The following MAGI2 variants were observed in gnomAD, a reference collection of about 807,000 sequenced individuals.
MAGI2 encodes membrane-associated guanylate kinase, WW and PDZ domain-containing protein 2.
Under a neutral mutation model 133.3 loss-of-function variants are expected in MAGI2, and 35 were observed. That is an observed-to-expected ratio of 0.26 (90% CI 0.20 to 0.35). The LOEUF is 0.35. MAGI2 is among the 10% of genes least tolerant of loss of function. The pLI is 1.00. For synonymous variants in MAGI2, 729 were observed against 710.6 expected (o/e 1.03, Z -0.41); for missense variants, 1,636 against 1,863.4 (o/e 0.88, Z 2.25).
chr7:78,267,066 A>G (rs1296085552), intron 9 of MAGI2, among the ~76,000 whole-genome samples: 1 of 152,138 alleles, frequency 6.6e-6, no homozygotes, highest in Non-Finnish European at 1.5e-5. Flanking sequence ...GTCTCTATCA[A>G]CCTACATGGT....
chr7:78,261,388 T>A (rs1195194382), intron 9 of MAGI2, among the ~76,000 whole-genome samples: 1 of 152,152 alleles, frequency 6.6e-6, no homozygotes, highest in Non-Finnish European at 1.5e-5. Context: ...AAAGGTATCT[T>A]CCATCACTCT....
intron 3 of MAGI2, among the ~76,000 whole-genome samples, chr7:78,590,116 G>A (rs1450939807): frequency 6.6e-6 from 1 of 152,190 alleles, no homozygotes; most frequent in Non-Finnish European, 1.5e-5. Flanking sequence ...TTAGGGAGAG[G>A]CAGAAGAGGG....
intron 1 of MAGI2, among the ~76,000 whole-genome samples, chr7:79,257,124 A>G (rs1009605459): frequency 9.9e-5 from 15 of 152,236 alleles, no homozygotes; most frequent in African/African-American, 3.6e-4. Flanking sequence ...ATTTCAAAAC[A>G]TCATACATGA....
At chr7:79,157,345 T>A (rs1034317119) in intron 1 of MAGI2, among the ~76,000 whole-genome samples, 9 of 151,186 alleles carry the variant, frequency 6.0e-5, no homozygotes, top group Non-Finnish European at 1.2e-4. Flanking sequence ...AAAATTAATT[T>A]AAAAAAAAGT....
Position 79,453,106 on chromosome 7 carries a change from G to T in MAGI2, c.215C>A (p.Thr72Asn). 4 of 1,613,904 alleles carry T rather than the reference G, an allele frequency of 2.5e-6. No homozygotes were observed. The highest frequency in any genetic ancestry group is 3.4e-6 in the Non-Finnish European group (4 of 1,180,014). The change falls in exon 1 of 22, where the codon ACC (threonine) becomes AAC (asparagine). Residue 72 changes from threonine to asparagine, a missense_variant. Physicochemically the swap from Thr to Asn is moderately conservative, Grantham distance 65. Coordinates refer to ENST00000354212, the MANE Select transcript of MAGI2 (RefSeq NM_012301.4). Reference sequence around the variant, plus strand: ...CCTGATGGTGAGCCCCGCCACGGGGGTCTCGTTCACCTCCAGCAGCAGCTC... The same window carrying T: ...CCTGATGGTGAGCCCCGCCACGGGGTTCTCGTTCACCTCCAGCAGCAGCTC... ...SEELLLEVNE[T>N]PVAGLTIRDV...
chr7:78,909,117 G>GAAA (rs377390532), intron 2 of MAGI2, among the ~76,000 whole-genome samples: 27 of 110,486 alleles, frequency 2.4e-4, no homozygotes, highest in South Asian at 5.6e-4. Flanking sequence ...AAATGTACAA[G>GAAA]AAAAAAAAAA....
intron 3 of MAGI2, among the ~76,000 whole-genome samples, chr7:78,571,457 C>T (rs557798647): frequency 6.6e-6 from 1 of 152,120 alleles, no homozygotes; most frequent in South Asian, 2.1e-4. Flanking sequence ...CTTGAAATAG[C>T]AATTTATGCC....
chr7:78,528,883 T>A (rs1022288870), intron 3 of MAGI2, among the ~76,000 whole-genome samples: 6 of 152,144 alleles, frequency 3.9e-5, no homozygotes, highest in Non-Finnish European at 8.8e-5. Context: ...TAGCATTTTG[T>A]CATCAATACT....
chr7:79,114,686 G>T (rs1427639734), intron 1 of MAGI2, among the ~76,000 whole-genome samples: 1 of 152,026 alleles, frequency 6.6e-6, no homozygotes, highest in African/African-American at 2.4e-5. Context: ...ACCAAGAAAG[G>T]AATCCAGGTA....
intron 7 of MAGI2, among the ~76,000 whole-genome samples, chr7:78,368,244 A>G (rs569043568): frequency 6.6e-6 from 1 of 152,352 alleles, no homozygotes; most frequent in African/African-American, 2.4e-5. Flanking sequence ...CCGTTTTTGA[A>G]TATTGTTACA....
At chr7:78,884,679 G>C (rs546708901) in intron 2 of MAGI2, among the ~76,000 whole-genome samples, 1 of 152,188 alleles carries the variant, frequency 6.6e-6, no homozygotes, top group East Asian at 1.9e-4. Flanking sequence ...AATAGATGCT[G>C]GCAAGGCCAT....
intron 12 of MAGI2, among the ~76,000 whole-genome samples, chr7:78,191,405 G>A (rs1200178167): frequency 6.6e-6 from 1 of 152,112 alleles, no homozygotes; most frequent in East Asian, 1.9e-4. Context: ...GATATTATTT[G>A]CTGTGTTGTG....
intron 3 of MAGI2, among the ~76,000 whole-genome samples, chr7:78,588,430 G>T (rs907831267): frequency 4.6e-5 from 7 of 152,200 alleles, no homozygotes; most frequent in African/African-American, 1.7e-4. Context: ...GTGGCAGGGG[G>T]AGGGGTAGAT....
chr7:78,485,237 T>C (rs1259597240), intron 6 of MAGI2: 1 of 151,940 alleles, frequency 6.6e-6, no homozygotes, highest in Admixed American at 6.6e-5. Context: ...AAAGACTATA[T>C]TGGCTTGCTA....
intron 2 of MAGI2, among the ~76,000 whole-genome samples, chr7:78,850,651 C>A (rs569457895): frequency 6.6e-6 from 1 of 151,980 alleles, no homozygotes; most frequent in Non-Finnish European, 1.5e-5. Context: ...ATCATCAGAC[C>A]CATCCCTCAC....
At chr7:78,980,468 T>C (rs1339902427) in intron 2 of MAGI2, among the ~76,000 whole-genome samples, 1 of 151,812 alleles carries the variant, frequency 6.6e-6, no homozygotes, top group Non-Finnish European at 1.5e-5. Context: ...CTTGTCAGTG[T>C]CAGGAGAGCT....
chr7:78,648,045 A>G (rs1026313755), intron 2 of MAGI2, among the ~76,000 whole-genome samples: 1 of 152,192 alleles, frequency 6.6e-6, no homozygotes, highest in Admixed American at 6.5e-5. Flanking sequence ...TACCTAATGT[A>G]AATGACAAGT....
At chr7:79,092,862 T>C (rs973028166) in intron 1 of MAGI2, among the ~76,000 whole-genome samples, 17 of 152,222 alleles carry the variant, frequency 1.1e-4, no homozygotes, top group Admixed American at 2.0e-4. Flanking sequence ...TCCTCTTACC[T>C]CCTTTTCTAA....
chr7:78,372,201 A>G (rs772324201), intron 6 of MAGI2, among the ~76,000 whole-genome samples: 2 of 152,068 alleles, frequency 1.3e-5, no homozygotes, highest in Non-Finnish European at 2.9e-5. Flanking sequence ...CAACTTTCAC[A>G]AGTTTTTCTT....
Sources: gnomAD v4.1 joint callset for allele counts (sites outside exome capture counted in the v4.1 genomes callset) on GRCh38, gnomAD v4.1.1 for gene constraint, MANE v1.5 for transcripts, NCBI Gene and HGNC (gene_info 2026-07-23, HGNC 2026-07-21) for gene names.